The following TNIK variants were observed in gnomAD, a reference collection of about 807,000 sequenced individuals.
TNIK encodes the protein TRAF2 and NCK interacting kinase, also known as TRAF2 and NCK-interacting protein kinase.
In TNIK, 49 loss-of-function variants were observed where a neutral mutation model predicts 191.3. The ratio of observed to expected loss-of-function variants is 0.26; its 90% confidence interval spans 0.20 to 0.32. TNIK has a LOEUF of 0.32. Ranked by LOEUF, TNIK falls within the 10% of genes least tolerant of loss-of-function variation. TNIK has a pLI of 1.00. For synonymous variants in TNIK, 594 were observed against 600.9 expected, an observed-to-expected ratio of 0.99 and a Z score of 0.17; for missense variants, 1,155 against 1,702.3, an observed-to-expected ratio of 0.68 and a Z score of 5.66.
At chr3:171,456,741 C>A (rs556091170) in intron 1 of TNIK, among the ~76,000 whole-genome samples, 1 of 152,154 alleles carries the variant, frequency 6.6e-6, no homozygotes, top group Non-Finnish European at 1.5e-5. Flanking sequence ...GAAGTAGTTT[C>A]GCCATTCTCA....
At chr3:171,347,558 T>G (rs970232607) in intron 2 of TNIK, among the ~76,000 whole-genome samples, 2 of 152,132 alleles carry the variant, frequency 1.3e-5, no homozygotes, top group Non-Finnish European at 2.9e-5. Flanking sequence ...GGTGACTCAT[T>G]AGGATTTTCT....
chr3:171,121,520 G>A (rs1727741401), intron 18 of TNIK, among the ~76,000 whole-genome samples: 1 of 152,214 alleles, frequency 6.6e-6, no homozygotes, highest in Admixed American at 6.5e-5. Flanking sequence ...GGGTAAAGAA[G>A]CCCAGAATGG....
intron 12 of TNIK, among the ~76,000 whole-genome samples, chr3:171,144,432 T>C (rs1731258822): frequency 6.6e-6 from 1 of 152,196 alleles, no homozygotes; most frequent in African/African-American, 2.4e-5. Flanking sequence ...TATTTTAAAT[T>C]TCTTATTTTA....
At chr3:171,341,164 A>G (rs1159783883) in intron 2 of TNIK, among the ~76,000 whole-genome samples, 2 of 152,124 alleles carry the variant, frequency 1.3e-5, no homozygotes, top group African/African-American at 4.8e-5. Flanking sequence ...ATCCACTACA[A>G]TGTACACTTA....
At chr3:171,342,804 T>C (rs1168354764) in intron 2 of TNIK, among the ~76,000 whole-genome samples, 1 of 152,208 alleles carries the variant, frequency 6.6e-6, no homozygotes. Flanking sequence ...TCATATTGAA[T>C]TGTAGCTCCC....
Position 171,293,292 on chromosome 3 carries a change from C to T in TNIK, c.124-65071G>A, listed in dbSNP as rs1432461797. ...TGCCTGCAGAAGTCTCATTTTACTC[C>T]ACGCCTACAAGATTCACAATGTATC... On this transcript the variant is annotated intron_variant, in intron 2 of 32. Coordinates refer to ENST00000436636, the MANE Select transcript of TNIK (RefSeq NM_015028.4). 2.0e-5 allele frequency among the ~76,000 whole-genome samples: 3 copies of T among 152,126 alleles called. No homozygotes were observed. In the East Asian group the frequency reaches 5.8e-4, roughly 29 times the overall value.
At position 171,145,560 on chromosome 3, in the gene TNIK, G is replaced by C. The variant is rs549513965; in HGVS notation, c.1222-5051C>G. 4.6e-5 allele frequency among the ~76,000 whole-genome samples: 7 copies of C among 152,254 alleles called. No homozygotes were observed. The South Asian group carries it at 1.4e-3, about 32-fold the overall frequency. ...CACTTTCAAGCATGTGAATTTGTTA[G>C]TTAATTTTAATGAGGGAATAGTAAT... On this transcript the variant is annotated intron_variant, in intron 12 of 32. Coordinates refer to ENST00000436636, the MANE Select transcript of TNIK (RefSeq NM_015028.4).
At chr3:171,210,127 G>A (rs1740610617) in intron 4 of TNIK, among the ~76,000 whole-genome samples, 2 of 152,086 alleles carry the variant, frequency 1.3e-5, no homozygotes, top group Non-Finnish European at 2.9e-5. Context: ...ATATAACAAC[G>A]ACATGTGGGA....
intron 4 of TNIK, among the ~76,000 whole-genome samples, chr3:171,195,730 A>G (rs1312142188): frequency 1.3e-5 from 2 of 152,148 alleles, no homozygotes; most frequent in Non-Finnish European, 2.9e-5. Context: ...TTGTCTTCTT[A>G]TGATTCCACA....
chr3:171,232,949 T>C (rs1204221235), intron 2 of TNIK, among the ~76,000 whole-genome samples: 2 of 152,220 alleles, frequency 1.3e-5, no homozygotes, highest in African/African-American at 2.4e-5. Context: ...CTTTTGTTAT[T>C]GTTGTTATTT....
intron 1 of TNIK, among the ~76,000 whole-genome samples, chr3:171,440,407 T>G (rs1250714904): frequency 6.6e-6 from 1 of 152,210 alleles, no homozygotes; most frequent in Non-Finnish European, 1.5e-5. Context: ...TATCTGTGAT[T>G]CCAGGAAGAT....
At chr3:171,214,640 C>G (rs191789421) in intron 3 of TNIK, among the ~76,000 whole-genome samples, 60 of 152,208 alleles carry the variant, frequency 3.9e-4, no homozygotes, top group African/African-American at 1.4e-3. Context: ...GTAGTGGTAC[C>G]AAATTATCAC....
At chr3:171,455,211 C>G (rs1295757873) in intron 1 of TNIK, among the ~76,000 whole-genome samples, 1 of 152,062 alleles carries the variant, frequency 6.6e-6, no homozygotes, top group Non-Finnish European at 1.5e-5. Flanking sequence ...GAGTCGGAAC[C>G]TTCTGATATC....
chr3:171,424,750 G>T (rs566012302), intron 1 of TNIK, among the ~76,000 whole-genome samples: 1 of 146,774 alleles, frequency 6.8e-6, no homozygotes, highest in Non-Finnish European at 1.5e-5. Context: ...ACCAAACACC[G>T]CATGTTATCA....
chr3:171,418,642 G>T (rs908626498), intron 1 of TNIK, among the ~76,000 whole-genome samples: 2 of 152,150 alleles, frequency 1.3e-5, no homozygotes, highest in African/African-American at 4.8e-5. Flanking sequence ...AATCTACAGG[G>T]ACAGAAAGTA....
chr3:171,375,227 C>T (rs989581694), intron 1 of TNIK, among the ~76,000 whole-genome samples: 5 of 152,172 alleles, frequency 3.3e-5, no homozygotes, highest in African/African-American at 1.2e-4. Flanking sequence ...AATAAATATT[C>T]ATTTTCTTCC....
chr3:171,402,734 A>AT (rs913766408), intron 1 of TNIK, among the ~76,000 whole-genome samples: 6 of 152,152 alleles, frequency 3.9e-5, no homozygotes, highest in African/African-American at 1.4e-4. Flanking sequence ...AAATTTAGGA[A>AT]TTTTTTCTAT....
At chr3:171,185,038 ATAT>A (rs1450358076) in intron 7 of TNIK, among the ~76,000 whole-genome samples, 2 of 152,228 alleles carry the variant, frequency 1.3e-5, no homozygotes, top group Non-Finnish European at 2.9e-5. Flanking sequence ...CATTGGCTTC[ATAT>A]AAGAGCAAGG....
chr3:171,194,414 G>T, intron 5 of TNIK, 111 bp downstream of exon 5: 2 of 943,344 alleles, frequency 2.1e-6, no homozygotes, highest in South Asian at 1.6e-5. Flanking sequence ...AAGGGTTTTT[G>T]ATATGCTTAT....
Sources: allele counts gnomAD v4.1 joint callset (sites outside exome capture counted in the v4.1 genomes callset), GRCh38; gene constraint gnomAD v4.1.1; transcripts MANE v1.5; gene names NCBI Gene and HGNC (gene_info 2026-07-23, HGNC 2026-07-21).